The following ZRANB3 variants were observed in gnomAD, a reference collection of about 807,000 sequenced individuals.
ZRANB3 encodes the protein zinc finger RANBP2-type containing 3.
In ZRANB3, 125 loss-of-function variants were observed where a neutral mutation model predicts 133.8. The observed-to-expected ratio is 0.93, with a 90% CI of 0.81 to 1.08. The LOEUF is 1.08. Ranked by LOEUF, ZRANB3 falls within the 50% of genes least tolerant of loss-of-function variation. The pLI, the probability that ZRANB3 is intolerant of heterozygous loss-of-function variation, is 0.00. For missense variants in ZRANB3, 1,229 were observed against 1,275.5 expected (o/e 0.96, Z 0.56); for synonymous variants, 387 against 432.7 (o/e 0.89, Z 1.31).
At chr2:135,334,133 T>C (rs1684272370) in intron 6 of ZRANB3, among the ~76,000 whole-genome samples, 1 of 152,192 alleles carries the variant, frequency 6.6e-6, no homozygotes, top group Non-Finnish European at 1.5e-5. Context: ...GTGGGTCTTG[T>C]TCTCTAATGC....
chr2:135,367,682 T>G (rs1474109030), intron 3 of ZRANB3, among the ~76,000 whole-genome samples: 1 of 152,156 alleles, frequency 6.6e-6, no homozygotes, highest in Non-Finnish European at 1.5e-5. Context: ...AGCATCTACA[T>G]AAATTGTTTC....
At chr2:135,239,638 G>A (rs1695463349) in intron 12 of ZRANB3, among the ~76,000 whole-genome samples, 2 of 152,258 alleles carry the variant, frequency 1.3e-5, no homozygotes, top group South Asian at 2.1e-4. Flanking sequence ...GATAAATATA[G>A]AGAATGAAAT....
chr2:135,269,604 G>A (rs1573797230), intron 10 of ZRANB3, among the ~76,000 whole-genome samples: 1 of 152,138 alleles, frequency 6.6e-6, no homozygotes, highest in South Asian at 2.1e-4. Context: ...TTCCTGTGAT[G>A]TTATATTCCG....
intron 2 of ZRANB3, among the ~76,000 whole-genome samples, chr2:135,480,598 G>GT (rs1375426398): frequency 7.9e-5 from 12 of 151,304 alleles, no homozygotes; most frequent in Non-Finnish European, 1.2e-4. Context: ...TACTACAAAG[G>GT]TTTTTTTTAA....
At chr2:135,360,314 G>A (rs929423187) in intron 3 of ZRANB3, among the ~76,000 whole-genome samples, 9 of 152,086 alleles carry the variant, frequency 5.9e-5, no homozygotes, top group South Asian at 2.1e-4. Flanking sequence ...AGGGGAGGCG[G>A]AGGTTGCAGT....
intron 2 of ZRANB3, among the ~76,000 whole-genome samples, chr2:135,408,234 T>C (rs1278473900): frequency 2.0e-5 from 3 of 152,160 alleles, no homozygotes; most frequent in Non-Finnish European, 4.4e-5. Context: ...ATGCTCATCA[T>C]CACTGCTCAT....
Position 135,334,330 on chromosome 2 carries a change from T to C in ZRANB3, c.677+11220A>G, listed in dbSNP as rs767640800. Among the ~76,000 whole-genome samples the C allele has an allele frequency of 4.7e-4, 71 of 152,238 alleles. 1 individual carries two copies. Among genetic ancestry groups the C allele is most frequent in the Non-Finnish European group, 1.3e-4 (9 of 68,040 alleles). ...CCACAAATCTTTTAGAACTGAACTA[T>C]TGATAAATAGGTGAGGGTTTCTCAA... On this transcript the variant is annotated intron_variant, in intron 6 of 20. Transcript: ENST00000264159.
At chr2:135,433,641 C>G (rs920605979) in intron 2 of ZRANB3, among the ~76,000 whole-genome samples, 1 of 151,804 alleles carries the variant, frequency 6.6e-6, no homozygotes, top group Non-Finnish European at 1.5e-5. Context: ...TACCTGAGGT[C>G]AGGAATTCGA....
At chr2:135,256,990 C>A (rs914140850) in intron 12 of ZRANB3, among the ~76,000 whole-genome samples, 2 of 152,146 alleles carry the variant, frequency 1.3e-5, no homozygotes, top group Non-Finnish European at 2.9e-5. Context: ...AAAGAGTTTA[C>A]AAATGCCATG....
intron 12 of ZRANB3, among the ~76,000 whole-genome samples, chr2:135,263,752 A>G (rs191681803): frequency 1.6e-4 from 24 of 152,152 alleles, no homozygotes; most frequent in African/African-American, 5.1e-4. Context: ...ATTAAATAAT[A>G]ATAATTGAAA....
At chr2:135,414,654 T>C (rs970383659) in intron 2 of ZRANB3, among the ~76,000 whole-genome samples, 1 of 152,024 alleles carries the variant, frequency 6.6e-6, no homozygotes, top group Non-Finnish European at 1.5e-5. Flanking sequence ...AATATACATT[T>C]TTTTCAGCAC....
At chr2:135,412,850 C>A (rs2104956535) in intron 2 of ZRANB3, among the ~76,000 whole-genome samples, 1 of 152,114 alleles carries the variant, frequency 6.6e-6, no homozygotes, top group Non-Finnish European at 1.5e-5. Flanking sequence ...AAGCATTAGA[C>A]ACTAGTTTAA....
At chr2:135,344,660 A>G (rs1036363592) in intron 6 of ZRANB3, among the ~76,000 whole-genome samples, 4 of 152,084 alleles carry the variant, frequency 2.6e-5, no homozygotes, top group African/African-American at 9.7e-5. Flanking sequence ...TTGCTTGAAC[A>G]TCGGAAGCGG....
intron 2 of ZRANB3, among the ~76,000 whole-genome samples, chr2:135,414,414 T>C (rs1473689745): frequency 6.6e-6 from 1 of 152,128 alleles, no homozygotes; most frequent in African/African-American, 2.4e-5. Flanking sequence ...CTATCCTAAA[T>C]ATATATGCAC....
chr2:135,372,560 G>A (rs1407356974), intron 3 of ZRANB3, among the ~76,000 whole-genome samples: 1 of 152,076 alleles, frequency 6.6e-6, no homozygotes, highest in African/African-American at 2.4e-5. Flanking sequence ...CACTTTGGGA[G>A]GCGGATCATG....
At chr2:135,475,002 A>G (rs6709132) in intron 2 of ZRANB3, among the ~76,000 whole-genome samples, 28,827 of 152,086 alleles carry the variant, frequency 0.19, 3,650 homozygotes, top group South Asian at 0.33. Flanking sequence ...GGATGATACT[A>G]GCCATCTGCC....
intron 1 of ZRANB3, among the ~76,000 whole-genome samples, chr2:135,523,463 T>A (rs935965284): frequency 2.6e-5 from 4 of 152,252 alleles, no homozygotes; most frequent in Admixed American, 2.6e-4. Context: ...AATGTCTTCA[T>A]AAATCAGGAA....
chr2:135,382,747 A>G (rs1268489839), intron 3 of ZRANB3, among the ~76,000 whole-genome samples: 1 of 152,214 alleles, frequency 6.6e-6, no homozygotes, highest in Admixed American at 6.5e-5. Flanking sequence ...ACTAAGCTTC[A>G]TAAGTGAAGG....
At chr2:135,329,384 T>C (rs1356120700) in intron 6 of ZRANB3, among the ~76,000 whole-genome samples, 3 of 152,254 alleles carry the variant, frequency 2.0e-5, no homozygotes, top group African/African-American at 4.8e-5. Context: ...TGTGGTGTTA[T>C]TTCTGAGGCC....
Sources: allele counts gnomAD v4.1 joint callset (sites outside exome capture counted in the v4.1 genomes callset), GRCh38; gene constraint gnomAD v4.1.1; transcripts MANE v1.5; gene names NCBI Gene and HGNC (gene_info 2026-07-23, HGNC 2026-07-21).